OTULIN: variants seen among roughly 807,000 people sequenced by gnomAD.
The protein encoded by OTULIN is ubiquitin thioesterase otulin.
Under a neutral mutation model 39.6 loss-of-function variants are expected in OTULIN, and 15 were observed. That is an observed-to-expected ratio of 0.38 (90% CI 0.25 to 0.58). The LOEUF (loss-of-function observed/expected upper bound fraction) is 0.58, where lower values mean the gene tolerates loss of function less well. OTULIN is among the 20% of genes least tolerant of loss of function. OTULIN has a pLI of 0.66. For synonymous variants in OTULIN, 156 were observed against 170.3 expected, an observed-to-expected ratio of 0.92 and a Z score of 0.65; for missense variants, 319 against 445.9, an observed-to-expected ratio of 0.72 and a Z score of 2.56.
At chr5:14,679,487 C>T (rs1038260419) in intron 3 of OTULIN, among the ~76,000 whole-genome samples, 6 of 152,290 alleles carry the variant, frequency 3.9e-5, no homozygotes, top group Admixed American at 1.3e-4. Flanking sequence ...ACTTCCATGA[C>T]CTCTTGAAAC....
downstream of OTULIN, among the ~76,000 whole-genome samples, chr5:14,700,940 G>A (rs563739162): frequency 1.3e-5 from 2 of 152,216 alleles, no homozygotes; most frequent in African/African-American, 2.4e-5. Flanking sequence ...TTGGAATATC[G>A]CATCTGTGTG....
the OTULIN span, chr5:14,705,538 A>G: frequency 6.6e-6 from 1 of 152,250 alleles, no homozygotes; most frequent in African/African-American, 2.4e-5. Context: ...GAGTGTCGGC[A>G]TGGAACAGAA....
At chr5:14,681,733 A>G in intron 4 of OTULIN, 126 bp downstream of exon 4, 2 of 1,129,382 alleles carry the variant, frequency 1.8e-6, no homozygotes, top group Non-Finnish European at 2.4e-6. Context: ...GCGTTTATTC[A>G]GTTTTGTGTG....
At chr5:14,679,738 AG>A (rs1310068868) in intron 3 of OTULIN, among the ~76,000 whole-genome samples, 8 of 152,212 alleles carry the variant, frequency 5.3e-5, no homozygotes, top group African/African-American at 1.9e-4. Context: ...GGCTGACCTT[AG>A]AAAAATCTAG....
intron 3 of OTULIN, among the ~76,000 whole-genome samples, chr5:14,680,413 C>T (rs79736123): frequency 3.9e-4 from 60 of 152,300 alleles, no homozygotes; most frequent in Non-Finnish European, 7.9e-4. Context: ...GTCTGCATTG[C>T]GTCCACCCCA....
intron 2 of OTULIN, 94 bp from the exon 3 acceptor site, chr5:14,678,587 A>C: frequency 1.1e-6 from 1 of 888,924 alleles, no homozygotes; most frequent in Non-Finnish European, 1.7e-6. Flanking sequence ...TGAAGAAAGA[A>C]AATGAAGAGT....
chr5:14,675,213 G>C (rs931342662), intron 2 of OTULIN, among the ~76,000 whole-genome samples: 1 of 152,152 alleles, frequency 6.6e-6, no homozygotes, highest in Admixed American at 6.5e-5. Context: ...ATTGAAATCC[G>C]TCCATAGCTT....
intron 1 of OTULIN, among the ~76,000 whole-genome samples, chr5:14,665,942 T>G (rs766843304): frequency 6.6e-6 from 1 of 152,222 alleles, no homozygotes; most frequent in Non-Finnish European, 1.5e-5. Context: ...AAAATAAGAT[T>G]GAAAGTCAGC....
intron 4 of OTULIN, among the ~76,000 whole-genome samples, chr5:14,683,875 CT>C (rs1241324946): frequency 1.3e-5 from 2 of 150,604 alleles, no homozygotes; most frequent in African/African-American, 2.4e-5. Flanking sequence ...GTCTCCCCCC[CT>C]TTTTTTTTGC....
chr5:14,704,556 A>G (rs1288504520), downstream of OTULIN, among the ~76,000 whole-genome samples: 1 of 152,140 alleles, frequency 6.6e-6, no homozygotes, highest in Non-Finnish European at 1.5e-5. Context: ...TTGGGAAGTA[A>G]AAGTAATTTT....
chr5:14,702,574 G>T (rs543911252), downstream of OTULIN, among the ~76,000 whole-genome samples: 3 of 152,300 alleles, frequency 2.0e-5, no homozygotes, highest in African/African-American at 7.2e-5. Context: ...GCGAGGTTAG[G>T]ACGTGGCCTT....
At chr5:14,701,444 A>G (rs1369258340), downstream of OTULIN, among the ~76,000 whole-genome samples, 1 of 152,136 alleles carries the variant, frequency 6.6e-6, no homozygotes, top group African/African-American at 2.4e-5. Context: ...TTTGCCAGCC[A>G]GCCCCAATGC....
downstream of OTULIN, among the ~76,000 whole-genome samples, chr5:14,702,890 T>G (rs2065835851): frequency 6.6e-6 from 1 of 152,240 alleles, no homozygotes; most frequent in African/African-American, 2.4e-5. Context: ...GCTCTAGTCA[T>G]TTTTCTGTGT....
chr5:14,711,016 C>T, the OTULIN span: 25 of 651,782 alleles, frequency 3.8e-5, no homozygotes, highest in Non-Finnish European at 5.6e-5. Context: ...ACTAGGTCCC[C>T]CCGTCAGTGT....
At position 14,690,176 on chromosome 5, in the gene OTULIN, T is replaced by C. The variant is rs1464263408; in HGVS notation, c.732T>C (p.Tyr244=). Residue 244 remains tyrosine (Y), a synonymous_variant, in exon 6 of 7, where the codon TAT becomes TAC. Coordinates refer to ENST00000284274, the MANE Select transcript of OTULIN (RefSeq NM_138348.6). The surrounding 1 kb of genome is among the most constrained non-coding windows in gnomAD (Gnocchi z 4.5). ...TGCTAAACAGAGCCATTGAACTATA[T>C]AATGATAAAGAGAAAGGAAAGGAAG... ...FLMLNRAIEL[Y]NDKEKGKEVP... 1.2e-6 allele frequency: 2 copies of C among 1,614,164 alleles called. No individual in the cohort carries two copies. Among genetic ancestry groups the C allele is most frequent in the Non-Finnish European group, 1.7e-6 (2 of 1,180,034 alleles).
At chr5:14,714,650 C>T in the OTULIN span, among the ~76,000 whole-genome samples, 1 of 152,302 alleles carries the variant, frequency 6.6e-6, no homozygotes, top group Non-Finnish European at 1.5e-5. Flanking sequence ...TAATTTTCTT[C>T]TCTTAGGCAG....
the OTULIN span, among the ~76,000 whole-genome samples, chr5:14,716,487 G>C: frequency 6.7e-6 from 1 of 149,952 alleles, no homozygotes; most frequent in African/African-American, 2.5e-5. Flanking sequence ...ATGAAACTCT[G>C]TCTCCAATAA....
At chr5:14,677,948 G>A (rs1029328468) in intron 2 of OTULIN, among the ~76,000 whole-genome samples, 7 of 152,212 alleles carry the variant, frequency 4.6e-5, no homozygotes, top group African/African-American at 1.7e-4. Context: ...CTGTGTGTCA[G>A]TGCAGCTCCA....
Position 14,687,576 on chromosome 5 carries a change from T to G in OTULIN, c.524T>G (p.Leu175Arg). Residue 175 changes from leucine (L) to arginine (R), a missense_variant, in exon 5 of 7, where the codon CTG becomes CGG. This residue lies in a region of OTULIN where 54 missense variants were observed against 50.7 expected (regional missense o/e 1.07). Coordinates refer to ENST00000284274, the MANE Select transcript of OTULIN (RefSeq NM_138348.6). ...TGGATCAAGCAATGGAAACTTGGAC[T>G]GAAATTTGATGGGAAGAATGAGGAC... The part of the protein sequence containing the change: ...YNWIKQWKLG[L>R]KFDGKNEDLV... 6.2e-7 allele frequency: 1 copy of G among 1,614,146 alleles called. No homozygotes were observed. Among genetic ancestry groups the G allele is most frequent in the Non-Finnish European group, 8.5e-7 (1 of 1,180,002 alleles).
Sources: gnomAD v4.1 joint callset for allele counts (sites outside exome capture counted in the v4.1 genomes callset) on GRCh38, gnomAD v4.1.1 for gene constraint, gnomAD v4.1.1 regional missense constraint, Gnocchi (gnomAD v3.1) non-coding constraint, MANE v1.5 for transcripts, NCBI Gene and HGNC (gene_info 2026-07-23, HGNC 2026-07-21) for gene names.